The following G3BP2 variants were observed in gnomAD, a reference collection of about 807,000 sequenced individuals.
The protein encoded by G3BP2 is G3BP stress granule assembly factor 2.
In G3BP2, 11 loss-of-function variants were observed where a neutral mutation model predicts 56.7. The observed-to-expected ratio is 0.19, with a 90% confidence interval of 0.12 to 0.32. The LOEUF (loss-of-function observed/expected upper bound fraction) is 0.32. G3BP2 is among the 10% of genes least tolerant of loss of function. The probability of loss-of-function intolerance (pLI) is 1.00; values close to 1 mark genes in which losing one functional copy is unlikely to be tolerated. For synonymous variants in G3BP2, 165 were observed against 191.6 expected (o/e 0.86, Z 1.15); for missense variants, 340 against 610.9 (o/e 0.56, Z 4.67).
intron 3 of G3BP2, among the ~76,000 whole-genome samples, chr4:75,692,475 C>G (rs1196096476): frequency 4.6e-5 from 7 of 152,082 alleles, no homozygotes; most frequent in African/African-American, 1.7e-4. Context: ...CCACACCCAG[C>G]TAATTTTTGT....
intron 3 of G3BP2, 81 bp downstream of exon 3, chr4:75,658,762 G>C: frequency 1.2e-6 from 1 of 846,780 alleles, no homozygotes; most frequent in Non-Finnish European, 2.0e-6. Flanking sequence ...GAAAAAAAAA[G>C]CCATGGACAC....
At chr4:75,698,070 C>G (rs1719195613) in intron 3 of G3BP2, among the ~76,000 whole-genome samples, 1 of 152,242 alleles carries the variant, frequency 6.6e-6, no homozygotes, top group Non-Finnish European at 1.5e-5. Context: ...TGTCCATGTT[C>G]TAATCCACAG....
intron 3 of G3BP2, among the ~76,000 whole-genome samples, chr4:75,717,451 C>A (rs1380808954): frequency 6.6e-6 from 1 of 152,086 alleles, no homozygotes; most frequent in Non-Finnish European, 1.5e-5. Flanking sequence ...ATCTGCTGGC[C>A]TGGAGGCCCA....
chr4:75,674,719 T>TATATATATATATATA (rs57822618), upstream of G3BP2, among the ~76,000 whole-genome samples: 169 of 50,638 alleles, frequency 3.3e-3, 1 homozygote, highest in East Asian at 8.7e-3. Context: ...TATATATATA[T>TATATATATATATATA]TTTTTTTTTT....
chr4:75,715,381 ATC>A (rs1304539170), intron 3 of G3BP2, among the ~76,000 whole-genome samples: 7 of 152,110 alleles, frequency 4.6e-5, no homozygotes. Context: ...AGTTTCTTGG[ATC>A]TCTCTCACAC....
Position 75,643,460 on chromosome 4 carries a change from T to A in G3BP2, c.*1970A>T, listed in dbSNP as rs954785489. The stretch of plus-strand genomic sequence containing the variant: ...GAATTTCAAGTACTATATCAGAAAG[T>A]ATAAAACTGTTTCAAACAGAAAAAA... On this transcript the variant is annotated 3_prime_UTR_variant, in exon 12 of 12. Transcript: ENST00000359707. 1.4e-5 allele frequency: 2 copies of A among 147,802 alleles called. No homozygotes were observed. The highest frequency in any genetic ancestry group is 5.0e-5 in the African/African-American group (2 of 39,794). The allele number at this position is 147,802 out of a possible 1,614,324, so 9.2% of individuals were successfully genotyped here.
chr4:75,709,000 C>T (rs528272232), intron 3 of G3BP2, among the ~76,000 whole-genome samples: 2 of 152,082 alleles, frequency 1.3e-5, no homozygotes, highest in South Asian at 4.2e-4. Flanking sequence ...GTTTCAGGTA[C>T]TTGGGAGGCC....
At chr4:75,706,328 C>A (rs528972451) in intron 3 of G3BP2, among the ~76,000 whole-genome samples, 4 of 152,324 alleles carry the variant, frequency 2.6e-5, no homozygotes, top group African/African-American at 9.6e-5. Context: ...ATCCTCCCGC[C>A]TTGGCCTCCC....
In G3BP2 at chr4:75,681,348, A is replaced by ATG. The variant is rs776781072; in HGVS notation, c.-24-19300_-24-19299insCA. Reference sequence around the variant, plus strand: ...CAAAAATAAATAAATAAATAAATATAGTCAAATTCAGAAGGAGGAGGAAAA... The same window carrying ATG: ...CAAAAATAAATAAATAAATAAATATATGGTCAAATTCAGAAGGAGGAGGAAAA... On this transcript the variant is annotated intron_variant, in intron 3 of 3. Coordinates refer to the G3BP2 transcript ENST00000499709. Among the ~76,000 whole-genome samples, 103 of 152,130 alleles carry ATG rather than the reference A, an allele frequency of 6.8e-4. 1 individual carries two copies. Among genetic ancestry groups the ATG allele is most frequent in the South Asian group, 1.2e-3 (6 of 4,830 alleles).
rs768050802 is a variant in G3BP2 at position 75,655,759 on chromosome 4, T to A, written c.545+9A>T. 15 of 1,424,270 alleles carry A rather than the reference T, an allele frequency of 1.1e-5. No individual in the cohort carries two copies. The East Asian group carries it at 3.4e-4, about 32-fold the overall frequency. The allele number at this position is 1,424,270 out of a possible 1,614,324, so 88.2% of individuals were successfully genotyped here. ...AGACCAAATTTAACCTTGCAAATAG[T>A]ATGCTTACGTCACAGGGTGAGCTTC... On this transcript the variant is annotated intron_variant, in intron 6 of 11. Transcript: ENST00000359707.
At chr4:75,713,981 C>G (rs1439235546) in intron 3 of G3BP2, among the ~76,000 whole-genome samples, 1 of 152,082 alleles carries the variant, frequency 6.6e-6, no homozygotes, top group Non-Finnish European at 1.5e-5. Context: ...TCCAAAACAT[C>G]AAGATTATGA....
chr4:75,695,771 T>C (rs1719090586), intron 3 of G3BP2, among the ~76,000 whole-genome samples: 1 of 151,908 alleles, frequency 6.6e-6, no homozygotes, highest in Non-Finnish European at 1.5e-5. Context: ...GGTCAGGAGT[T>C]CAAGACCAAC....
upstream of G3BP2, among the ~76,000 whole-genome samples, chr4:75,676,433 C>G (rs1024322284): frequency 3.3e-5 from 5 of 150,372 alleles, no homozygotes; most frequent in African/African-American, 4.9e-5. Flanking sequence ...ACCTCCACCT[C>G]CCAGGTTCAA....
chr4:75,644,864 AAACT>A lies in G3BP2; in HGVS notation c.*562_*565del, dbSNP rs1731095277. The stretch of plus-strand genomic sequence containing the variant: ...AGATAAAATGCCCTCATCATTTCAC[AAACT>A]ATTTTCTACTGGAAAAGAAGATGAG... On this transcript the variant is annotated 3_prime_UTR_variant, in exon 12 of 12. Transcript: ENST00000359707. 6.5e-6 allele frequency: 1 copy of A among 153,074 alleles called. No individual in the cohort carries two copies. The highest frequency in any genetic ancestry group is 1.9e-4 in the East Asian group (1 of 5,208). 9.5% of individuals were successfully genotyped at this position (153,074 alleles called of 1,614,324 possible).
intron 3 of G3BP2, among the ~76,000 whole-genome samples, chr4:75,712,409 G>T (rs1719791932): frequency 6.6e-6 from 1 of 151,966 alleles, no homozygotes; most frequent in Admixed American, 6.6e-5. Context: ...AAAATTCTCA[G>T]TTAAATAAAG....
At chr4:75,711,677 C>T (rs1357674358) in intron 3 of G3BP2, among the ~76,000 whole-genome samples, 2 of 152,096 alleles carry the variant, frequency 1.3e-5, no homozygotes. Context: ...CATGCCATTT[C>T]ACTCCAGCCT....
At chr4:75,715,327 T>G (rs1560424567) in intron 3 of G3BP2, among the ~76,000 whole-genome samples, 3 of 152,092 alleles carry the variant, frequency 2.0e-5, no homozygotes, top group African/African-American at 4.8e-5. Context: ...TTTATGTGGG[T>G]GCAATACTCT....
At chr4:75,677,212 A>G (rs1733906756), upstream of G3BP2, among the ~76,000 whole-genome samples, 2 of 152,170 alleles carry the variant, frequency 1.3e-5, no homozygotes, top group African/African-American at 2.4e-5. Context: ...TCTCAACTTT[A>G]CTGAATACTA....
Position 75,680,164 on chromosome 4 carries a change from T to C in G3BP2, c.-24-18115A>G, listed in dbSNP as rs561086593. 5.3e-5 allele frequency among the ~76,000 whole-genome samples: 8 copies of C among 152,320 alleles called. No individual in the cohort carries two copies. The East Asian group carries it at 1.3e-3, about 26-fold the overall frequency. Reference sequence around the variant, plus strand: ...GGGCCTGATCAGCAGATATTCTATGTCTTTGGATGGCATATCCCTTTGTGA... The same window carrying C: ...GGGCCTGATCAGCAGATATTCTATGCCTTTGGATGGCATATCCCTTTGTGA... On this transcript the variant is annotated intron_variant, in intron 3 of 3. Transcript: ENST00000499709.
Sources: gnomAD v4.1 joint callset for allele counts (sites outside exome capture counted in the v4.1 genomes callset) on GRCh38, gnomAD v4.1.1 for gene constraint, MANE v1.5 for transcripts, NCBI Gene and HGNC (gene_info 2026-07-23, HGNC 2026-07-21) for gene names.